The following NTM variants were observed in gnomAD, a reference collection of about 807,000 sequenced individuals.
NTM encodes neurotrimin, also known as IgLON family member 2.
Under a neutral mutation model 42.1 loss-of-function variants are expected in NTM, and 13 were observed. That is an observed-to-expected ratio of 0.31 (90% CI 0.20 to 0.49). The LOEUF (loss-of-function observed/expected upper bound fraction) is 0.49, where lower values mean the gene tolerates loss of function less well. NTM is among the 20% of genes least tolerant of loss of function. The pLI, the probability that NTM is intolerant of heterozygous loss-of-function variation, is 0.99. For missense variants in NTM, 373 were observed against 452.8 expected (o/e 0.82, Z 1.60); for synonymous variants, 187 against 179.2 (o/e 1.04, Z -0.35).
rs758605315 is a variant in NTM, at chr11:132,022,773, G to A, written c.167+111125G>A. 1.2e-4 allele frequency among the ~76,000 whole-genome samples: 18 copies of A among 152,208 alleles called. 1 individual carries two copies. The highest frequency in any genetic ancestry group is 1.1e-3 in the Admixed American group (17 of 15,278). ...TGCATGGAATCAAGTACAGCAGGAG[G>A]AATCTAAGAAAATGTGCACTGTGGT... is the stretch of plus-strand genomic sequence containing the variant. On this transcript the variant is annotated intron_variant, in intron 2 of 8. Transcript: ENST00000683400.
chr11:132,041,401 A>T (rs2077185431), intron 2 of NTM, among the ~76,000 whole-genome samples: 1 of 152,208 alleles, frequency 6.6e-6, no homozygotes, highest in South Asian at 2.1e-4. Context: ...AAGAATGTTT[A>T]TGAGACTCAC....
chr11:132,233,770 G>T (rs1458594014), intron 4 of NTM, among the ~76,000 whole-genome samples: 2 of 152,080 alleles, frequency 1.3e-5, no homozygotes, highest in African/African-American at 2.4e-5. Flanking sequence ...GCATGAACAT[G>T]GACTCCTGAA....
intron 4 of NTM, among the ~76,000 whole-genome samples, chr11:132,290,370 C>T (rs545321859): frequency 4.4e-4 from 67 of 151,784 alleles, no homozygotes; most frequent in African/African-American, 1.1e-3. Flanking sequence ...AATTGGGAGC[C>T]GGGAGTAATA....
chr11:131,634,422 A>T (rs1183822838), intron 1 of NTM, among the ~76,000 whole-genome samples: 1 of 152,168 alleles, frequency 6.6e-6, no homozygotes, highest in African/African-American at 2.4e-5. Flanking sequence ...TGCTTTCTCA[A>T]AGAGACTGTC....
chr11:131,806,386 A>G (rs1319749358), intron 1 of NTM, among the ~76,000 whole-genome samples: 2 of 152,150 alleles, frequency 1.3e-5, no homozygotes, highest in Non-Finnish European at 2.9e-5. Context: ...TTAGATTGCA[A>G]TGTTGATATG....
At chr11:131,435,902 A>G (rs1418979131) in intron 1 of NTM, among the ~76,000 whole-genome samples, 1 of 152,238 alleles carries the variant, frequency 6.6e-6, no homozygotes, top group Admixed American at 6.5e-5. Context: ...TTGCCCATTC[A>G]GTATGATATT....
chr11:132,293,139 T>A (rs975201605), intron 4 of NTM, among the ~76,000 whole-genome samples: 1 of 151,782 alleles, frequency 6.6e-6, no homozygotes, highest in Non-Finnish European at 1.5e-5. Flanking sequence ...GAAGCAAAGG[T>A]TTTTATTGAA....
At chr11:131,529,415 A>G (rs926638961) in intron 1 of NTM, among the ~76,000 whole-genome samples, 1 of 152,164 alleles carries the variant, frequency 6.6e-6, no homozygotes, top group Non-Finnish European at 1.5e-5. Flanking sequence ...TTGAGGGAAA[A>G]ATTAGACTCT....
At chr11:132,034,295 G>C (rs987843651) in intron 2 of NTM, among the ~76,000 whole-genome samples, 2 of 152,214 alleles carry the variant, frequency 1.3e-5, no homozygotes, top group East Asian at 3.9e-4. Flanking sequence ...TCTCTTTCCT[G>C]CCTGCCCAGA....
chr11:131,765,126 G>A lies in NTM; in HGVS notation c.83-146438G>A, dbSNP rs150806997. ...TTAAAGAATGCTCTGTATGAGAGCC[G>A]TCCTCCTGGGACAAATCCACTCCCT... is the stretch of plus-strand genomic sequence containing the variant. On this transcript the variant is annotated intron_variant, in intron 1 of 8. Transcript: ENST00000683400. Among the ~76,000 whole-genome samples the A allele has an allele frequency of 2.8e-3, 420 of 152,176 alleles. 1 individual carries two copies. Among genetic ancestry groups the A allele is most frequent in the Non-Finnish European group, 3.8e-3 (260 of 68,004 alleles).
chr11:132,287,053 A>G (rs1355691213), intron 4 of NTM, among the ~76,000 whole-genome samples: 1 of 152,110 alleles, frequency 6.6e-6, no homozygotes, highest in Non-Finnish European at 1.5e-5. Flanking sequence ...TTATTCTTCA[A>G]AATATTTTCT....
intron 3 of NTM, among the ~76,000 whole-genome samples, chr11:132,192,013 A>G (rs2079395707): frequency 6.6e-6 from 1 of 152,174 alleles, no homozygotes; most frequent in South Asian, 2.1e-4. Context: ...ATAATATGGG[A>G]TTCTGTAAAG....
At position 131,459,002 on chromosome 11, in the gene NTM, C is replaced by G. The variant is rs560479771; in HGVS notation, c.82+88114C>G. On this transcript the variant is annotated intron_variant, in intron 1 of 8. Coordinates refer to ENST00000683400, the MANE Select transcript of NTM (RefSeq NM_001352005.2). ...TCATTCAATCATGTCCATTACTTGG[C>G]TTCCCTGGAGAAGCTAGCTCTTGTT... is the stretch of plus-strand genomic sequence containing the variant. 6.6e-5 allele frequency among the ~76,000 whole-genome samples: 10 copies of G among 152,378 alleles called. No individual in the cohort carries two copies. In the East Asian group the frequency reaches 1.2e-3, roughly 18 times the overall value.
At chr11:132,255,617 A>G (rs1473443822) in intron 4 of NTM, among the ~76,000 whole-genome samples, 1 of 152,202 alleles carries the variant, frequency 6.6e-6, no homozygotes, top group Non-Finnish European at 1.5e-5. Flanking sequence ...GGTGAGATCC[A>G]CAGCTGTTAA....
At chr11:132,176,265 T>A (rs1271041472) in intron 3 of NTM, among the ~76,000 whole-genome samples, 1 of 152,054 alleles carries the variant, frequency 6.6e-6, no homozygotes, top group Non-Finnish European at 1.5e-5. Flanking sequence ...GTGGGGCTAC[T>A]TATACAAGAC....
chr11:131,937,545 A>G (rs976304764), intron 2 of NTM, among the ~76,000 whole-genome samples: 8 of 152,186 alleles, frequency 5.3e-5, no homozygotes, highest in African/African-American at 1.9e-4. Context: ...TTTCTTGGTC[A>G]GAGGTGAATG....
At chr11:131,412,319 T>A (rs954805546) in intron 1 of NTM, among the ~76,000 whole-genome samples, 1 of 152,184 alleles carries the variant, frequency 6.6e-6, no homozygotes. Flanking sequence ...AGGCTCAGCA[T>A]GTATCATGTT....
At chr11:131,856,593 G>T (rs917845334) in intron 1 of NTM, among the ~76,000 whole-genome samples, 2 of 152,160 alleles carry the variant, frequency 1.3e-5, no homozygotes, top group Non-Finnish European at 2.9e-5. Context: ...GAACAAAGCA[G>T]ATTCCTTTCT....
chr11:131,839,756 G>C (rs115368861), intron 1 of NTM, among the ~76,000 whole-genome samples: 2,253 of 152,344 alleles, frequency 0.015, 48 homozygotes, highest in African/African-American at 0.052. Context: ...GTGAGCAAAT[G>C]CAGTTGTTGG....
Sources: allele counts gnomAD v4.1 joint callset (sites outside exome capture counted in the v4.1 genomes callset), GRCh38; gene constraint gnomAD v4.1.1; transcripts MANE v1.5; gene names NCBI Gene and HGNC (gene_info 2026-07-23, HGNC 2026-07-21).